Variants in ADAMTS12 observed in about 807,000 individuals in gnomAD.
ADAMTS12 encodes ADAM metallopeptidase with thrombospondin type 1 motif 12, also known as A disintegrin and metalloproteinase with thrombospondin motifs 12.
ADAMTS12 carries 118 observed loss-of-function variants against 167.8 expected under a neutral mutation model. The observed-to-expected ratio is 0.70, with a 90% CI of 0.61 to 0.82. The LOEUF (loss-of-function observed/expected upper bound fraction) is 0.82. ADAMTS12 is among the 40% of genes least tolerant of loss of function. The pLI is 0.00. For missense variants in ADAMTS12, 1,916 were observed against 1,998.8 expected (o/e 0.96, Z 0.79); for synonymous variants, 704 against 716.9 (o/e 0.98, Z 0.29).
chr5:33,682,605 G>A (rs1300198116), intron 5 of ADAMTS12, among the ~76,000 whole-genome samples: 1 of 152,166 alleles, frequency 6.6e-6, no homozygotes, highest in Non-Finnish European at 1.5e-5. Flanking sequence ...ATAGACAAGA[G>A]GTCCCAAATC....
At chr5:33,869,816 G>A (rs1473566305) in intron 2 of ADAMTS12, among the ~76,000 whole-genome samples, 3 of 152,088 alleles carry the variant, frequency 2.0e-5, no homozygotes, top group Non-Finnish European at 4.4e-5. Context: ...GCAGACAACT[G>A]GTCTGACTAA....
chr5:33,641,663 G>T, intron 11 of ADAMTS12, 147 bp downstream of exon 11: 2 of 794,198 alleles, frequency 2.5e-6, no homozygotes, highest in Non-Finnish European at 3.6e-6. Flanking sequence ...CACTCTCTGT[G>T]AATCTTCTTG....
chr5:33,809,997 A>C (rs564851799), intron 2 of ADAMTS12, among the ~76,000 whole-genome samples: 64 of 143,396 alleles, frequency 4.5e-4, no homozygotes, highest in South Asian at 8.4e-4. Flanking sequence ...AAAAAAAAAA[A>C]AAAACAGATT....
chr5:33,547,003 T>C (rs1040332217), intron 21 of ADAMTS12, among the ~76,000 whole-genome samples: 2 of 152,336 alleles, frequency 1.3e-5, no homozygotes, highest in Admixed American at 1.3e-4. Context: ...AGGGAAATTA[T>C]ATGCAATTAA....
Position 33,614,244 on chromosome 5 carries a change from C to T in ADAMTS12, c.2521G>A (p.Gly841Arg), listed in dbSNP as rs377412848. The change falls in exon 16 of 24, where the codon GGG becomes AGG. Residue 841 changes from glycine to arginine, a missense_variant. Coordinates refer to ENST00000504830, the MANE Select transcript of ADAMTS12 (RefSeq NM_030955.4). Reference sequence around the variant, plus strand: ...GAGAGCAGCTGTTTCTCACCTGTCCCGCAGGTCACACTGCACTCTGTCCAG... The same window carrying T: ...GAGAGCAGCTGTTTCTCACCTGTCCTGCAGGTCACACTGCACTCTGTCCAG... ...GHWTECSVTC[G>R]TGIRRQTAHC... is the part of the protein sequence containing the mutation. The T allele has an allele frequency of 6.2e-6, 10 of 1,613,652 alleles. No homozygotes were observed. The highest frequency in any genetic ancestry group is 5.5e-5 in the South Asian group (5 of 91,026).
At chr5:33,813,462 T>C (rs572763257) in intron 2 of ADAMTS12, among the ~76,000 whole-genome samples, 3 of 152,334 alleles carry the variant, frequency 2.0e-5, no homozygotes, top group East Asian at 3.9e-4. Flanking sequence ...TTTGCAGCCA[T>C]TCCCCATACA....
chr5:33,540,582 C>A (rs1240441231), intron 22 of ADAMTS12, among the ~76,000 whole-genome samples: 1 of 152,206 alleles, frequency 6.6e-6, no homozygotes, highest in African/African-American at 2.4e-5. Flanking sequence ...ATCATATAGG[C>A]AGCTGACCCT....
At chr5:33,694,580 T>G (rs1344676000) in intron 3 of ADAMTS12, among the ~76,000 whole-genome samples, 1 of 152,084 alleles carries the variant, frequency 6.6e-6, no homozygotes, top group African/African-American at 2.4e-5. Context: ...TACTGACACA[T>G]AAAGTATAAA....
chr5:33,817,001 G>C (rs1470224139), intron 2 of ADAMTS12, among the ~76,000 whole-genome samples: 1 of 152,098 alleles, frequency 6.6e-6, no homozygotes. Context: ...GGGTGCAGGG[G>C]TCAAGAATGA....
chr5:33,784,703 T>C (rs1291655440), intron 2 of ADAMTS12, among the ~76,000 whole-genome samples: 1 of 151,948 alleles, frequency 6.6e-6, no homozygotes, highest in Non-Finnish European at 1.5e-5. Flanking sequence ...AATTTCTAAA[T>C]AGTTAGAGAG....
chr5:33,647,490 G>A (rs1480926498), intron 9 of ADAMTS12, among the ~76,000 whole-genome samples: 1 of 152,136 alleles, frequency 6.6e-6, no homozygotes, highest in Non-Finnish European at 1.5e-5. Context: ...CAGCACTTTG[G>A]GAGGCCAAGG....
chr5:33,817,262 T>C (rs72741480), intron 2 of ADAMTS12, among the ~76,000 whole-genome samples: 18,536 of 152,200 alleles, frequency 0.12, 1,522 homozygotes, highest in Non-Finnish European at 0.18. Context: ...TAACTTGAAC[T>C]TTAGTGGAAA....
At chr5:33,673,995 TG>T (rs1259997226) in intron 5 of ADAMTS12, among the ~76,000 whole-genome samples, 1 of 152,124 alleles carries the variant, frequency 6.6e-6, no homozygotes, top group East Asian at 1.9e-4. Context: ...TCACAGCACT[TG>T]CTGTGCAAGG....
chr5:33,614,097 T>C (rs962666457), intron 16 of ADAMTS12, 141 bp downstream of exon 16: 5 of 1,153,328 alleles, frequency 4.3e-6, no homozygotes, highest in South Asian at 1.8e-5. Flanking sequence ...CCATGTTCAC[T>C]GTCCGCAGAG....
At chr5:33,633,509 C>G (rs6881181) in intron 12 of ADAMTS12, among the ~76,000 whole-genome samples, 119,160 of 151,638 alleles carry the variant, frequency 0.79, 48,384 homozygotes, top group Non-Finnish European at 0.89. Flanking sequence ...GAGCTCCCAC[C>G]ACCATGACCT....
intron 3 of ADAMTS12, among the ~76,000 whole-genome samples, chr5:33,746,317 AT>A (rs887837597): frequency 1.1e-4 from 16 of 152,346 alleles, no homozygotes; most frequent in African/African-American, 3.8e-4. Flanking sequence ...AATTATAAAT[AT>A]CCCCCAAGTT....
chr5:33,703,117 A>G (rs970740624), intron 3 of ADAMTS12, among the ~76,000 whole-genome samples: 3 of 152,166 alleles, frequency 2.0e-5, no homozygotes, highest in African/African-American at 7.2e-5. Flanking sequence ...CATTTCTGAC[A>G]TTCTCTGTGC....
intron 3 of ADAMTS12, among the ~76,000 whole-genome samples, chr5:33,727,427 G>A (rs1744024123): frequency 6.6e-6 from 1 of 152,236 alleles, no homozygotes; most frequent in Admixed American, 6.5e-5. Context: ...GAGCAACTCT[G>A]CTTTGAAGTT....
chr5:33,661,790 G>A (rs911815800), intron 6 of ADAMTS12, 126 bp downstream of exon 6: 20 of 1,358,282 alleles, frequency 1.5e-5, no homozygotes, highest in Non-Finnish European at 2.0e-5. Context: ...CTAGATCAAA[G>A]ACACTGTCTT....
Sources: gnomAD v4.1 joint callset for allele counts (sites outside exome capture counted in the v4.1 genomes callset) on GRCh38, gnomAD v4.1.1 for gene constraint, MANE v1.5 for transcripts, NCBI Gene and HGNC (gene_info 2026-07-23, HGNC 2026-07-21) for gene names.